The following LRRC4C variants were observed in gnomAD, a reference collection of about 807,000 sequenced individuals.
LRRC4C encodes leucine-rich repeat-containing protein 4C.
Under a neutral mutation model 33.6 loss-of-function variants are expected in LRRC4C, and 5 were observed. The observed-to-expected ratio is 0.15, with a 90% CI of 0.08 to 0.31. The LOEUF is 0.31. Among genes scored for constraint, LRRC4C ranks in the 10% least tolerant of loss-of-function variants. LRRC4C has a pLI of 1.00. For missense variants in LRRC4C, 560 were observed against 796.7 expected, an observed-to-expected ratio of 0.70 and a Z score of 3.58; for synonymous variants, 329 against 302.0, an observed-to-expected ratio of 1.09 and a Z score of -0.93.
intron 6 of LRRC4C, among the ~76,000 whole-genome samples, chr11:40,123,496 G>A (rs1250218252): frequency 6.6e-6 from 1 of 151,974 alleles, no homozygotes; most frequent in African/African-American, 2.4e-5. Flanking sequence ...ATTTACTATA[G>A]CTATAAATAC....
intron 1 of LRRC4C, among the ~76,000 whole-genome samples, chr11:41,117,692 A>G (rs1262130450): frequency 6.6e-6 from 1 of 152,150 alleles, no homozygotes; most frequent in Admixed American, 6.6e-5. Context: ...TTATTAAATC[A>G]GTAAAAAGCA....
At chr11:41,321,570 A>G (rs1950960536) in intron 1 of LRRC4C, among the ~76,000 whole-genome samples, 1 of 152,220 alleles carries the variant, frequency 6.6e-6, no homozygotes, top group Non-Finnish European at 1.5e-5. Context: ...AATAGCTAAG[A>G]GCTTTTAATG....
At chr11:40,527,381 A>C (rs572455907) in intron 3 of LRRC4C, among the ~76,000 whole-genome samples, 12 of 152,306 alleles carry the variant, frequency 7.9e-5, no homozygotes, top group Middle Eastern at 3.4e-3. Flanking sequence ...CCTTTGCAAA[A>C]TAATAGAGGA....
chr11:40,641,255 G>C (rs1012504351), intron 3 of LRRC4C, among the ~76,000 whole-genome samples: 3 of 152,026 alleles, frequency 2.0e-5, no homozygotes, highest in Non-Finnish European at 2.9e-5. Context: ...TTTCTATATA[G>C]GGAACCTATC....
intron 2 of LRRC4C, among the ~76,000 whole-genome samples, chr11:40,664,588 C>A (rs1591406746): frequency 6.6e-6 from 1 of 151,604 alleles, no homozygotes; most frequent in East Asian, 1.9e-4. Flanking sequence ...GTAATGGATG[C>A]AGAAATTAAA....
intron 1 of LRRC4C, among the ~76,000 whole-genome samples, chr11:41,443,089 A>ATTTTTTT: frequency 2.1e-4 from 22 of 105,952 alleles, no homozygotes; most frequent in Middle Eastern, 9.1e-3. Flanking sequence ...TGTTTGCTTC[A>ATTTTTTT]TTTTTTTTTT....
intron 1 of LRRC4C, among the ~76,000 whole-genome samples, chr11:41,299,989 C>G (rs1950242995): frequency 6.6e-6 from 1 of 151,988 alleles, no homozygotes; most frequent in Non-Finnish European, 1.5e-5. Context: ...AATAAGTTTT[C>G]CAAGAACATC....
chr11:40,339,116 G>T (rs1466314019), intron 3 of LRRC4C, among the ~76,000 whole-genome samples: 1 of 152,122 alleles, frequency 6.6e-6, no homozygotes, highest in Non-Finnish European at 1.5e-5. Context: ...TGGATTTCTC[G>T]CAGGAACATA....
intron 1 of LRRC4C, among the ~76,000 whole-genome samples, chr11:41,273,715 T>C (rs1030320932): frequency 1.3e-5 from 2 of 152,192 alleles, no homozygotes; most frequent in African/African-American, 4.8e-5. Flanking sequence ...CTTTAAAATA[T>C]GTTAAGAGGT....
chr11:40,165,804 G>C (rs1017638364), intron 5 of LRRC4C, among the ~76,000 whole-genome samples: 3 of 152,116 alleles, frequency 2.0e-5, no homozygotes, highest in Admixed American at 6.5e-5. Flanking sequence ...AATTAGCCGG[G>C]CGTGGTGGTG....
chr11:40,378,741 T>C (rs1948751363), intron 3 of LRRC4C, among the ~76,000 whole-genome samples: 1 of 152,126 alleles, frequency 6.6e-6, no homozygotes, highest in East Asian at 1.9e-4. Flanking sequence ...CACATTTCTT[T>C]ATTGTGAAAG....
intron 4 of LRRC4C, among the ~76,000 whole-genome samples, chr11:40,313,765 G>A (rs1385761990): frequency 1.0e-5 from 1 of 100,458 alleles, no homozygotes; most frequent in Admixed American, 1.2e-4. Flanking sequence ...CCGCCATCAT[G>A]CCTGGCTATT....
chr11:41,045,583 C>T (rs932081938), intron 1 of LRRC4C, among the ~76,000 whole-genome samples: 2 of 152,060 alleles, frequency 1.3e-5, no homozygotes, highest in South Asian at 4.1e-4. Flanking sequence ...TGGTGTTGAA[C>T]ATATGAGATA....
intron 3 of LRRC4C, among the ~76,000 whole-genome samples, chr11:40,520,629 T>G (rs374251615): frequency 6.6e-6 from 1 of 152,136 alleles, no homozygotes; most frequent in South Asian, 2.1e-4. Context: ...AGATCAGTAC[T>G]CTAAGAGCAC....
intron 4 of LRRC4C, among the ~76,000 whole-genome samples, chr11:40,314,993 C>T (rs1333297844): frequency 2.6e-5 from 4 of 151,796 alleles, no homozygotes; most frequent in East Asian, 3.9e-4. Flanking sequence ...ATATCACTAT[C>T]GGACAACTGT....
chr11:40,878,159 A>T (rs1284757008), intron 2 of LRRC4C, among the ~76,000 whole-genome samples: 1 of 151,988 alleles, frequency 6.6e-6, no homozygotes, highest in African/African-American at 2.4e-5. Flanking sequence ...AGATAACATA[A>T]TGGGTGGACC....
chr11:40,442,779 T>C (rs572817880), intron 3 of LRRC4C, among the ~76,000 whole-genome samples: 26 of 152,362 alleles, frequency 1.7e-4, no homozygotes, highest in South Asian at 6.2e-4. Flanking sequence ...GATAACTCAC[T>C]GTACAGCCAT....
At chr11:40,997,679 A>C (rs1030925170) in intron 1 of LRRC4C, among the ~76,000 whole-genome samples, 3 of 152,194 alleles carry the variant, frequency 2.0e-5, no homozygotes, top group Admixed American at 6.5e-5. Flanking sequence ...AAAGGAAGCA[A>C]GGTATGATTC....
At chr11:41,051,479 A>G (rs1427286931) in intron 1 of LRRC4C, among the ~76,000 whole-genome samples, 1 of 129,582 alleles carries the variant, frequency 7.7e-6, no homozygotes, top group Non-Finnish European at 1.6e-5. Flanking sequence ...TATCTTATTA[A>G]AAGACACATC....
Sources: gnomAD v4.1 joint callset for allele counts (sites outside exome capture counted in the v4.1 genomes callset) on GRCh38, gnomAD v4.1.1 for gene constraint, MANE v1.5 for transcripts, NCBI Gene and HGNC (gene_info 2026-07-23, HGNC 2026-07-21) for gene names.